Variants in DMRT1 observed in about 807,000 individuals in gnomAD.
DMRT1 encodes doublesex and mab-3 related transcription factor 1, also known as doublesex- and mab-3-related transcription factor 1.
A neutral mutation model predicts 32.3 loss-of-function variants in DMRT1; 7 were observed. The observed-to-expected ratio is 0.22, with a 90% CI of 0.12 to 0.41. The LOEUF is 0.41. DMRT1 is among the 10% of genes least tolerant of loss of function. The pLI is 1.00. For synonymous variants in DMRT1, 278 were observed against 206.1 expected (o/e 1.35, Z -2.99); for missense variants, 625 against 500.5 (o/e 1.25, Z -2.37).
chr9:912,382 T>C (rs754730001), intron 3 of DMRT1, among the ~76,000 whole-genome samples: 3 of 152,334 alleles, frequency 2.0e-5, no homozygotes, highest in African/African-American at 7.2e-5. Flanking sequence ...CTTTGTATCT[T>C]TTTCTTCTTT....
At chr9:959,574 G>C (rs921133192) in intron 4 of DMRT1, among the ~76,000 whole-genome samples, 4 of 152,198 alleles carry the variant, frequency 2.6e-5, no homozygotes, top group African/African-American at 9.7e-5. Flanking sequence ...TGTTGCCCAG[G>C]CTGGAGTGCA....
intron 4 of DMRT1, among the ~76,000 whole-genome samples, chr9:930,601 G>C (rs1308864993): frequency 1.3e-5 from 2 of 151,886 alleles, no homozygotes; most frequent in African/African-American, 2.4e-5. Flanking sequence ...GTAGAGACAG[G>C]GTTTCACCAT....
chr9:929,900 G>C (rs1315162939), intron 4 of DMRT1, among the ~76,000 whole-genome samples: 1 of 152,104 alleles, frequency 6.6e-6, no homozygotes, highest in Non-Finnish European at 1.5e-5. Flanking sequence ...ATGAGAGAAG[G>C]CGTGGCTGCA....
intron 4 of DMRT1, among the ~76,000 whole-genome samples, chr9:919,941 T>C (rs1353021540): frequency 6.6e-6 from 1 of 152,190 alleles, no homozygotes; most frequent in African/African-American, 2.4e-5. Context: ...GACCAATTGG[T>C]ATTTTGATTT....
chr9:885,836 T>G (rs112743510), intron 2 of DMRT1, among the ~76,000 whole-genome samples: 1,846 of 152,254 alleles, frequency 0.012, 34 homozygotes, highest in African/African-American at 0.042. Flanking sequence ...GATCTACAGG[T>G]TGATAATTCT....
intron 2 of DMRT1, 25 bp from the exon 3 acceptor site, chr9:893,887 A>G (rs1817246056): frequency 1.2e-6 from 2 of 1,608,092 alleles, no homozygotes; most frequent in East Asian, 4.5e-5. Flanking sequence ...ACCATGTTGT[A>G]TTTTTCTTTT....
intron 2 of DMRT1, among the ~76,000 whole-genome samples, chr9:862,319 G>T (rs540876719): frequency 6.2e-4 from 95 of 152,272 alleles, no homozygotes; most frequent in African/African-American, 2.2e-3. Context: ...CGCCAACACG[G>T]CGAAACCCCG....
intron 2 of DMRT1, among the ~76,000 whole-genome samples, chr9:873,892 G>C (rs111948578): frequency 4.7e-4 from 71 of 152,300 alleles, no homozygotes; most frequent in Middle Eastern, 6.8e-3. Context: ...TCACCTTCTA[G>C]TACTCCCCCC....
intron 4 of DMRT1, among the ~76,000 whole-genome samples, chr9:924,630 G>C (rs936025202): frequency 1.3e-5 from 2 of 152,150 alleles, no homozygotes; most frequent in African/African-American, 4.8e-5. Flanking sequence ...CATGATTCTT[G>C]AAATTAGCTA....
intron 2 of DMRT1, among the ~76,000 whole-genome samples, chr9:861,960 C>T (rs1377192450): frequency 1.5e-4 from 22 of 148,586 alleles, no homozygotes; most frequent in African/African-American, 4.0e-4. Context: ...CGGGCAGAGA[C>T]GCTCCTCACT....
intron 2 of DMRT1, among the ~76,000 whole-genome samples, chr9:877,135 G>T (rs562839466): frequency 8.1e-4 from 124 of 152,314 alleles, no homozygotes; most frequent in African/African-American, 2.8e-3. Flanking sequence ...TTAATTCTCT[G>T]TGGTTCACCT....
intron 2 of DMRT1, among the ~76,000 whole-genome samples, chr9:850,241 A>C (rs1188750713): frequency 2.0e-5 from 3 of 152,184 alleles, no homozygotes; most frequent in African/African-American, 7.2e-5. Flanking sequence ...CTGAGTTAGG[A>C]TGTGAGCAAG....
chr9:864,232 G>C (rs1408647684), intron 2 of DMRT1, among the ~76,000 whole-genome samples: 1 of 144,724 alleles, frequency 6.9e-6, no homozygotes, highest in Non-Finnish European at 1.5e-5. Flanking sequence ...TTTTGAGACA[G>C]TCTTGCTTTG....
At chr9:917,691 T>TA (rs1251272409) in intron 4 of DMRT1, among the ~76,000 whole-genome samples, 1 of 152,208 alleles carries the variant, frequency 6.6e-6, no homozygotes, top group Non-Finnish European at 1.5e-5. Flanking sequence ...AATAAAAGGA[T>TA]ATGTTCATTT....
intron 2 of DMRT1, among the ~76,000 whole-genome samples, chr9:848,799 C>CG (rs1839015721): frequency 6.9e-6 from 1 of 145,510 alleles, no homozygotes; most frequent in African/African-American, 2.7e-5. Context: ...AAGTGATCCA[C>CG]CCACCTCAGC....
At chr9:855,098 A>G (rs1288259787) in intron 2 of DMRT1, among the ~76,000 whole-genome samples, 1 of 151,830 alleles carries the variant, frequency 6.6e-6, no homozygotes, top group Non-Finnish European at 1.5e-5. Context: ...CCTATTTTAG[A>G]TAGTGTCTCA....
chr9:941,654 A>G (rs1174651094), intron 4 of DMRT1, among the ~76,000 whole-genome samples: 3 of 152,188 alleles, frequency 2.0e-5, no homozygotes, highest in Admixed American at 6.5e-5. Context: ...CTTAATTGCT[A>G]TTGAACTGTA....
intron 2 of DMRT1, among the ~76,000 whole-genome samples, chr9:856,018 G>C (rs1264041547): frequency 1.3e-5 from 2 of 152,094 alleles, no homozygotes; most frequent in African/African-American, 2.4e-5. Context: ...CCAGGTTCAA[G>C]CGATTCTCCT....
chr9:872,370 T>C (rs1033174492), intron 2 of DMRT1, among the ~76,000 whole-genome samples: 1 of 152,218 alleles, frequency 6.6e-6, no homozygotes, highest in Admixed American at 6.5e-5. Flanking sequence ...CAAAACTCAC[T>C]ATCTTAAGGT....
Sources: allele counts gnomAD v4.1 joint callset (sites outside exome capture counted in the v4.1 genomes callset), GRCh38; gene constraint gnomAD v4.1.1; transcripts MANE v1.5; gene names NCBI Gene and HGNC (gene_info 2026-07-23, HGNC 2026-07-21).